Variants in RB1 observed in about 807,000 individuals in gnomAD.
RB1 encodes the protein retinoblastoma-associated protein.
Under a neutral mutation model 135.4 loss-of-function variants are expected in RB1, and 18 were observed. That is an observed-to-expected ratio of 0.13 (90% CI 0.09 to 0.20). The LOEUF is 0.20. Ranked by LOEUF, RB1 falls within the 10% of genes least tolerant of loss-of-function variation. RB1 has a pLI of 1.00. For synonymous variants in RB1, 365 were observed against 373.2 expected (o/e 0.98, Z 0.25); for missense variants, 868 against 1,110.0 (o/e 0.78, Z 3.10).
chr13:48,336,163 C>T (rs1029269132), intron 2 of RB1, among the ~76,000 whole-genome samples: 2 of 152,164 alleles, frequency 1.3e-5, no homozygotes, highest in African/African-American at 4.8e-5. Flanking sequence ...TGTTGTGTCT[C>T]TGCCAGGCTT....
chr13:48,476,705 C>T lies in RB1; in HGVS notation c.2525C>T (p.Ser842Phe), dbSNP rs2138358869. 1 of 1,612,604 alleles carries T rather than the reference C, an allele frequency of 6.2e-7. No individual in the cohort carries two copies. The highest frequency in any genetic ancestry group is 8.5e-7 in the Non-Finnish European group (1 of 1,178,876). Residue 842 changes from serine (S) to phenylalanine (F), a missense_variant, in exon 25 of 27, where the codon TCT becomes TTT. Around this residue, in one of 3 missense-constraint regions of RB1, gnomAD observed 196 missense variants for 239.8 expected, o/e 0.82. Transcript: ENST00000267163. Reference protein sequence around the residue: ...LVSIGESFGTSEKFQKINQMV... With the variant: ...LVSIGESFGTFEKFQKINQMV... ...AAAGAATTCTGTAATTTGTAGACTTCTGAGAAGTTCCAGAAAATAAATCAG... is the reference window on the plus strand; with the variant it reads ...AAAGAATTCTGTAATTTGTAGACTTTTGAGAAGTTCCAGAAAATAAATCAG...
At chr13:48,375,000 T>G (rs1210887250) in intron 12 of RB1, among the ~76,000 whole-genome samples, 1 of 152,152 alleles carries the variant, frequency 6.6e-6, no homozygotes, top group Non-Finnish European at 1.5e-5. Context: ...TTGTTTAGGA[T>G]AATGACCTCC....
intron 8 of RB1, among the ~76,000 whole-genome samples, chr13:48,363,627 A>T (rs1952664543): frequency 6.6e-6 from 1 of 152,208 alleles, no homozygotes; most frequent in African/African-American, 2.4e-5. Flanking sequence ...TAGTTTAGTG[A>T]TAAGTGATAC....
At chr13:48,460,700 C>T (rs943008991) in intron 20 of RB1, among the ~76,000 whole-genome samples, 1 of 152,134 alleles carries the variant, frequency 6.6e-6, no homozygotes, top group African/African-American at 2.4e-5. Flanking sequence ...GTGGCTCACG[C>T]CTGTAATCCT....
intron 12 of RB1, among the ~76,000 whole-genome samples, chr13:48,373,748 A>C (rs1344981818): frequency 6.6e-6 from 1 of 152,100 alleles, no homozygotes; most frequent in Non-Finnish European, 1.5e-5. Context: ...CTTATGCCTC[A>C]CTTCTGAGAT....
intron 2 of RB1, chr13:48,318,508 G>A (rs1952205465): frequency 9.5e-7 from 1 of 1,056,774 alleles, no homozygotes; most frequent in Non-Finnish European, 1.4e-6. Flanking sequence ...TGCGTCATGC[G>A]AGTGTCGCCG....
intron 2 of RB1, chr13:48,320,263 C>CT (rs1952222747): frequency 8.5e-7 from 1 of 1,178,746 alleles, no homozygotes; most frequent in African/African-American, 1.5e-5. Flanking sequence ...CCTGTGGCCC[C>CT]TCTGTGCAGC....
At chr13:48,400,971 A>G (rs144977946) in intron 17 of RB1, among the ~76,000 whole-genome samples, 240 of 152,202 alleles carry the variant, frequency 1.6e-3, no homozygotes, top group African/African-American at 5.4e-3. Flanking sequence ...CCTTCTCAAA[A>G]TGGAAAAAGT....
At chr13:48,305,899 G>A (rs929594056) in intron 1 of RB1, among the ~76,000 whole-genome samples, 1 of 152,184 alleles carries the variant, frequency 6.6e-6, no homozygotes, top group African/African-American at 2.4e-5. Context: ...CTTATCTCTG[G>A]CCTAAGTAAT....
chr13:48,328,022 A>G (rs1379352440), intron 2 of RB1: 1 of 699,322 alleles, frequency 1.4e-6, no homozygotes, highest in African/African-American at 1.8e-5. Flanking sequence ...TTCTTAAAAA[A>G]AGGAAACTGT....
rs576233044 is a variant in RB1 at position 48,342,667 on chromosome 13, T to C, written c.333T>C (p.Asp111=). The C allele has an allele frequency of 2.5e-6, 4 of 1,611,590 alleles. No individual in the cohort carries two copies. In the African/African-American group the frequency reaches 5.3e-5, roughly 21 times the overall value. The part of the protein sequence containing the change: ...ICIFIAAVDL[D]EMSFTFTELQ... ...TCTTTATTGCAGCAGTTGACCTAGA[T>C]GAGATGTCGTTCACTTTTACTGAGC... Residue 111 remains aspartate, a synonymous_variant, in exon 3 of 27, where the codon GAT becomes GAC. Transcript: ENST00000267163.
Position 48,307,363 on chromosome 13 carries a change from C to G in RB1, c.221C>G (p.Ala74Gly), listed in dbSNP as rs764472420. Residue 74 changes from alanine (A) to glycine (G), a missense_variant, in exon 2 of 27, where the codon GCT (alanine) becomes GGT (glycine). By Grantham distance (60) the Ala-to-Gly change is moderately conservative (BLOSUM62 0). This residue lies in a region of RB1 where 641 missense variants were observed against 791.3 expected (regional missense o/e 0.81). Coordinates refer to ENST00000267163, the MANE Select transcript of RB1 (RefSeq NM_000321.3). ...LKIPDHVRER[A>G]WLTWEKVSSV... ...ATACCAGATCATGTCAGAGAGAGAGCTTGGTTAACTTGGGAGAAAGTTTCA... is the reference window on the plus strand; with the variant it reads ...ATACCAGATCATGTCAGAGAGAGAGGTTGGTTAACTTGGGAGAAAGTTTCA... The G allele has an allele frequency of 6.2e-7, 1 of 1,612,692 alleles. No individual in the cohort carries two copies. The highest frequency in any genetic ancestry group is 1.7e-5 in the Admixed American group (1 of 60,014).
chr13:48,381,632 A>G lies in RB1; in HGVS notation c.1695+189A>G, dbSNP rs925363236. On this transcript the variant is annotated intron_variant, in intron 17 of 26. Coordinates refer to ENST00000267163, the MANE Select transcript of RB1 (RefSeq NM_000321.3). ...GAGCTTTAATCGAGCACCCTAAACC[A>G]TCTAATACAGCACAGTGATTTATTT... Among the ~76,000 whole-genome samples, 3 of 152,224 alleles carry G rather than the reference A, an allele frequency of 2.0e-5. No homozygotes were observed. In the East Asian group the frequency reaches 5.8e-4, roughly 29 times the overall value.
intron 17 of RB1, among the ~76,000 whole-genome samples, chr13:48,425,529 C>G (rs1221489732): frequency 6.6e-6 from 1 of 152,048 alleles, no homozygotes; most frequent in East Asian, 1.9e-4. Flanking sequence ...ATGAAAGGAC[C>G]AATTTCACTA....
At chr13:48,395,093 A>AT (rs55713803) in intron 17 of RB1, among the ~76,000 whole-genome samples, 139,732 of 152,170 alleles carry the variant, frequency 0.92, 64,923 homozygotes, top group East Asian at 1. Context: ...CACTGGTGAT[A>AT]CCAGGCAAAC....
intron 3 of RB1, among the ~76,000 whole-genome samples, chr13:48,343,214 TGA>T (rs933884137): frequency 2.6e-5 from 4 of 152,148 alleles, no homozygotes; most frequent in African/African-American, 9.7e-5. Flanking sequence ...TGTTTGTTGT[TGA>T]GTTTATAAGC....
intron 17 of RB1, among the ~76,000 whole-genome samples, chr13:48,393,551 C>A (rs1275883274): frequency 6.6e-6 from 1 of 152,080 alleles, no homozygotes; most frequent in Non-Finnish European, 1.5e-5. Context: ...GAATCTGGTC[C>A]CTGTTTCTTC....
At chr13:48,345,043 G>T (rs1952479622) in intron 3 of RB1, 37 bp from the exon 4 acceptor site, 2 of 1,592,700 alleles carry the variant, frequency 1.3e-6, no homozygotes, top group Non-Finnish European at 1.7e-6. Context: ...AATTTTTAAG[G>T]TTACTGATTT....
intron 24 of RB1, among the ~76,000 whole-genome samples, chr13:48,475,488 T>C (rs764082819): frequency 6.6e-6 from 1 of 152,236 alleles, no homozygotes; most frequent in Non-Finnish European, 1.5e-5. Context: ...CCCTCCATAG[T>C]ACTGCTTGCT....
Sources: allele counts gnomAD v4.1 joint callset (sites outside exome capture counted in the v4.1 genomes callset), GRCh38; gene constraint gnomAD v4.1.1; regional missense constraint gnomAD v4.1.1; transcripts MANE v1.5; gene names NCBI Gene and HGNC (gene_info 2026-07-23, HGNC 2026-07-21).